Variants in SMYD3 observed in about 807,000 individuals in gnomAD.
SMYD3 encodes histone-lysine N-methyltransferase SMYD3.
Under a neutral mutation model 57.7 loss-of-function variants are expected in SMYD3, and 36 were observed. The ratio of observed to expected loss-of-function variants is 0.62; its 90% CI spans 0.48 to 0.82. SMYD3 has a LOEUF of 0.82. Ranked by LOEUF, SMYD3 falls within the 40% of genes least tolerant of loss-of-function variation. The pLI is 0.00. For synonymous variants in SMYD3, 211 were observed against 195.0 expected (o/e 1.08, Z -0.68); for missense variants, 515 against 538.8 (o/e 0.96, Z 0.44).
intron 5 of SMYD3, among the ~76,000 whole-genome samples, chr1:246,233,086 C>A (rs2063444210): frequency 7.6e-6 from 1 of 131,100 alleles, no homozygotes; most frequent in African/African-American, 2.7e-5. Flanking sequence ...ATATACCACA[C>A]AGAGGAGAAG....
At chr1:246,311,153 C>G (rs1372766507) in intron 5 of SMYD3, among the ~76,000 whole-genome samples, 9 of 152,092 alleles carry the variant, frequency 5.9e-5, no homozygotes, top group Non-Finnish European at 1.2e-4. Context: ...AAGTTTAAAC[C>G]TTCCTTGTCA....
chr1:246,428,232 C>T (rs1226651820), intron 1 of SMYD3, among the ~76,000 whole-genome samples: 1 of 152,128 alleles, frequency 6.6e-6, no homozygotes, highest in Non-Finnish European at 1.5e-5. Context: ...GTTCCTTTAA[C>T]CTACTGTGTA....
chr1:246,290,507 A>C (rs2064668665), intron 5 of SMYD3, among the ~76,000 whole-genome samples: 1 of 152,202 alleles, frequency 6.6e-6, no homozygotes, highest in East Asian at 1.9e-4. Flanking sequence ...CTAACCTTGA[A>C]ATTGGCCTGT....
intron 8 of SMYD3, among the ~76,000 whole-genome samples, chr1:245,905,763 C>T (rs891872377): frequency 2.0e-5 from 3 of 152,150 alleles, no homozygotes; most frequent in Admixed American, 6.5e-5. Flanking sequence ...TTGGGCGAGA[C>T]CCAGCACTGT....
intron 5 of SMYD3, among the ~76,000 whole-genome samples, chr1:246,095,543 G>A (rs2060899740): frequency 6.6e-6 from 1 of 152,214 alleles, no homozygotes; most frequent in South Asian, 2.1e-4. Context: ...GGACATCTGA[G>A]CTTGGGACTG....
intron 5 of SMYD3, among the ~76,000 whole-genome samples, chr1:245,981,975 C>T (rs927079968): frequency 1.3e-5 from 2 of 152,220 alleles, no homozygotes; most frequent in South Asian, 2.1e-4. Flanking sequence ...TGCAGACCCA[C>T]GGTCATGGGG....
At chr1:245,926,340 C>T (rs931217641) in intron 7 of SMYD3, among the ~76,000 whole-genome samples, 1 of 152,218 alleles carries the variant, frequency 6.6e-6, no homozygotes, top group African/African-American at 2.4e-5. Flanking sequence ...AGGGGAAACA[C>T]TGTTCAGCAA....
chr1:245,950,864 T>C (rs2057608261), intron 5 of SMYD3, among the ~76,000 whole-genome samples: 1 of 152,214 alleles, frequency 6.6e-6, no homozygotes, highest in South Asian at 2.1e-4. Context: ...CTTTTTCACC[T>C]ATCACACCGC....
intron 10 of SMYD3, among the ~76,000 whole-genome samples, chr1:245,797,591 G>A (rs1315562185): frequency 1.3e-5 from 2 of 151,602 alleles, no homozygotes; most frequent in Non-Finnish European, 2.9e-5. Flanking sequence ...AAGTTAATGG[G>A]TGCAGCACAC....
rs146165854 is a variant in SMYD3 at position 245,968,805 on chromosome 1, C to A, written c.532-38868G>T. ...TAATTCTGTGCTGCCCTCGTCTTTC[C>A]CGCGTTGTAAATTTCAGCCTTCTCA... On this transcript the variant is annotated intron_variant, in intron 5 of 11. Transcript: ENST00000490107. Among the ~76,000 whole-genome samples, 1,495 of 152,266 alleles carry A rather than the reference C, an allele frequency of 9.8e-3. 31 individuals are homozygous for A. Among genetic ancestry groups the A allele is most frequent in the African/African-American group, 0.034 (1,409 of 41,558 alleles).
intron 1 of SMYD3, among the ~76,000 whole-genome samples, chr1:246,465,968 T>C (rs2067875614): frequency 6.6e-6 from 1 of 152,174 alleles, no homozygotes. Context: ...GATGGGGTTT[T>C]GCCACTTTAG....
At chr1:246,190,453 C>T (rs1447381111) in intron 5 of SMYD3, among the ~76,000 whole-genome samples, 3 of 151,896 alleles carry the variant, frequency 2.0e-5, no homozygotes, top group Admixed American at 6.6e-5. Context: ...GGCGTGGTGG[C>T]AGGCACCTGT....
chr1:246,307,145 G>A (rs185545597), intron 5 of SMYD3, among the ~76,000 whole-genome samples: 8 of 152,208 alleles, frequency 5.3e-5, no homozygotes, highest in East Asian at 1.9e-4. Flanking sequence ...AAATAGCTCC[G>A]CTGAATTTCT....
At chr1:246,464,179 G>A (rs1311345759) in intron 1 of SMYD3, among the ~76,000 whole-genome samples, 1 of 152,104 alleles carries the variant, frequency 6.6e-6, no homozygotes, top group East Asian at 1.9e-4. Context: ...ATGTTTAAGA[G>A]CTGATGGGAA....
At chr1:246,258,704 G>A (rs1156763509) in intron 5 of SMYD3, among the ~76,000 whole-genome samples, 1 of 152,106 alleles carries the variant, frequency 6.6e-6, no homozygotes, top group Non-Finnish European at 1.5e-5. Flanking sequence ...ACTTAGTGAT[G>A]TTCATTTTGT....
chr1:246,387,518 TA>T lies in SMYD3; in HGVS notation c.165-32425del, dbSNP rs138387395. Among the ~76,000 whole-genome samples, 964 of 152,332 alleles carry T rather than the reference TA, an allele frequency of 6.3e-3. 13 individuals are homozygous for T. The highest frequency in any genetic ancestry group is 0.022 in the African/African-American group (900 of 41,564). ...CAGACATTGTGTTTAGAAAGAAATG[TA>T]ATATTTTAAAAGTACCTGGCTTCCT... is the stretch of plus-strand genomic sequence containing the variant. On this transcript the variant is annotated intron_variant, in intron 1 of 11. Coordinates refer to ENST00000490107, the MANE Select transcript of SMYD3 (RefSeq NM_001167740.2).
rs1553321335 is a variant in SMYD3, at chr1:245,786,213, C to CGGT, written c.1077-22065_1077-22064insACC. Among the ~76,000 whole-genome samples, 127 of 104,070 alleles carry CGGT rather than the reference C, an allele frequency of 1.2e-3. 7 individuals carry two copies. The East Asian group carries it at 0.019, about 15-fold the overall frequency. 68.3% of individuals were successfully genotyped at this position (104,070 alleles called of 152,430 possible). ...GCACTGAGTTGAGTTGGGGTGTGGA[C>CGGT]GGGGGGGGGATGGTGGCAACAGAAT... On this transcript the variant is annotated intron_variant, in intron 10 of 11. Transcript: ENST00000490107.
At chr1:245,926,250 G>A (rs965883747) in intron 7 of SMYD3, among the ~76,000 whole-genome samples, 2 of 152,212 alleles carry the variant, frequency 1.3e-5, no homozygotes, top group Admixed American at 1.3e-4. Context: ...TGGGGGACAT[G>A]TTTAAATCAT....
chr1:245,786,527 C>G (rs890221384), intron 10 of SMYD3, among the ~76,000 whole-genome samples: 1 of 152,240 alleles, frequency 6.6e-6, no homozygotes, highest in South Asian at 2.1e-4. Flanking sequence ...CCAGCCATCT[C>G]ATTGCCTCAC....
Sources: gnomAD v4.1 joint callset for allele counts (sites outside exome capture counted in the v4.1 genomes callset) on GRCh38, gnomAD v4.1.1 for gene constraint, MANE v1.5 for transcripts, NCBI Gene and HGNC (gene_info 2026-07-23, HGNC 2026-07-21) for gene names.